RGS7BP: variants seen among roughly 807,000 people sequenced by gnomAD.
The protein encoded by RGS7BP is regulator of G protein signaling 7-binding protein.
RGS7BP carries 9 observed loss-of-function variants against 31.3 expected under a neutral mutation model. The ratio of observed to expected loss-of-function variants is 0.29; its 90% CI spans 0.17 to 0.50. The LOEUF is 0.50. Among genes scored for constraint, RGS7BP ranks in the 20% least tolerant of loss-of-function variants. The pLI, the probability that RGS7BP is intolerant of heterozygous loss-of-function variation, is 0.98. For missense variants in RGS7BP, 274 were observed against 322.0 expected, an observed-to-expected ratio of 0.85 and a Z score of 1.14; for synonymous variants, 115 against 120.1, an observed-to-expected ratio of 0.96 and a Z score of 0.28.
chr5:64,601,057 A>G (rs563805999), intron 5 of RGS7BP, among the ~76,000 whole-genome samples: 1 of 152,372 alleles, frequency 6.6e-6, no homozygotes, highest in Admixed American at 6.5e-5. Flanking sequence ...AGGAAATGGT[A>G]CAGGGTAAAA....
intron 5 of RGS7BP, among the ~76,000 whole-genome samples, chr5:64,600,046 C>T (rs1404099168): frequency 6.6e-6 from 1 of 152,108 alleles, no homozygotes; most frequent in African/African-American, 2.4e-5. Context: ...TAGAGGAATC[C>T]CTGCTACCAC....
chr5:64,561,402 G>T (rs928549867), intron 2 of RGS7BP, among the ~76,000 whole-genome samples: 1 of 152,130 alleles, frequency 6.6e-6, no homozygotes, highest in Non-Finnish European at 1.5e-5. Context: ...TGAGCACTCT[G>T]CCCTGGTAAT....
intron 5 of RGS7BP, among the ~76,000 whole-genome samples, chr5:64,606,692 GA>G (rs939971488): frequency 1.3e-5 from 2 of 152,052 alleles, no homozygotes; most frequent in South Asian, 2.1e-4. Flanking sequence ...AAAATGATGA[GA>G]AAATTAGTTA....
rs947988828 is a variant in RGS7BP at position 64,506,369 on chromosome 5, G to A, written c.-256G>A. 8.3e-6 allele frequency: 3 copies of A among 359,704 alleles called. No homozygotes were observed. Among genetic ancestry groups the A allele is most frequent in the Non-Finnish European group, 1.5e-5 (3 of 201,298 alleles). 22.3% of individuals were successfully genotyped at this position (359,704 alleles called of 1,614,324 possible). A position where few individuals can be genotyped will look rare whatever the true frequency, so the allele number is the denominator to read the frequency against. ...AGCGCCCAGCTCCCGGGACAGGGTC[G>A]GCAATGCTGCTGAGCAGAACTTGAT... On this transcript the variant is annotated 5_prime_UTR_variant, in exon 1 of 6. Transcript: ENST00000334025. The surrounding 1 kb of genome is among the most constrained non-coding windows in gnomAD (Gnocchi z 4.6).
At chr5:64,511,489 C>A (rs1748834273) in intron 2 of RGS7BP, among the ~76,000 whole-genome samples, 1 of 152,214 alleles carries the variant, frequency 6.6e-6, no homozygotes, top group Non-Finnish European at 1.5e-5. Context: ...GCAAATCCTC[C>A]CTTCAATCTA....
intron 2 of RGS7BP, among the ~76,000 whole-genome samples, chr5:64,522,748 G>A (rs1749139478): frequency 6.6e-6 from 1 of 152,184 alleles, no homozygotes; most frequent in Non-Finnish European, 1.5e-5. Flanking sequence ...GCTCAGAGTG[G>A]TTTAAATTCT....
chr5:64,577,900 G>GA (rs1307560578), intron 3 of RGS7BP, among the ~76,000 whole-genome samples: 1 of 152,182 alleles, frequency 6.6e-6, no homozygotes, highest in Non-Finnish European at 1.5e-5. Context: ...GTTGCCACTG[G>GA]AATGTTCCTT....
intron 3 of RGS7BP, among the ~76,000 whole-genome samples, chr5:64,580,070 G>C (rs759346427): frequency 6.6e-6 from 1 of 152,154 alleles, no homozygotes; most frequent in African/African-American, 2.4e-5. Flanking sequence ...GTGGTTAAAA[G>C]AATAAGAATA....
intron 2 of RGS7BP, among the ~76,000 whole-genome samples, chr5:64,523,039 T>A (rs1330092780): frequency 1.3e-5 from 2 of 152,128 alleles, no homozygotes; most frequent in Admixed American, 6.5e-5. Flanking sequence ...GCCGAACCAG[T>A]TCTTTGGGAA....
chr5:64,547,432 A>G (rs1190470916), intron 2 of RGS7BP, among the ~76,000 whole-genome samples: 1 of 152,194 alleles, frequency 6.6e-6, no homozygotes, highest in Non-Finnish European at 1.5e-5. Context: ...GACATTTTGA[A>G]ATTCAGGTTT....
intron 2 of RGS7BP, among the ~76,000 whole-genome samples, chr5:64,528,961 A>G (rs1248504160): frequency 6.6e-6 from 1 of 152,068 alleles, no homozygotes; most frequent in Non-Finnish European, 1.5e-5. Flanking sequence ...CAGGCCAGCT[A>G]TTATTATTAT....
At chr5:64,598,516 ATG>A in intron 5 of RGS7BP, 81 bp downstream of exon 5, 1 of 884,180 alleles carries the variant, frequency 1.1e-6, no homozygotes, top group Non-Finnish European at 1.9e-6. Context: ...AAATTAAAGC[ATG>A]TGTCTCACAC....
At chr5:64,560,332 C>G (rs560441789) in intron 2 of RGS7BP, among the ~76,000 whole-genome samples, 1 of 152,032 alleles carries the variant, frequency 6.6e-6, no homozygotes, top group Non-Finnish European at 1.5e-5. Context: ...ATTGGAAACT[C>G]TAGGGATAGA....
intron 3 of RGS7BP, among the ~76,000 whole-genome samples, chr5:64,592,200 T>G (rs1742938056): frequency 6.6e-6 from 1 of 152,186 alleles, no homozygotes; most frequent in Non-Finnish European, 1.5e-5. Flanking sequence ...TTTTCTGTCT[T>G]TTAAGACATG....
chr5:64,523,135 G>A (rs548991261), intron 2 of RGS7BP, among the ~76,000 whole-genome samples: 1 of 152,276 alleles, frequency 6.6e-6, no homozygotes, highest in East Asian at 1.9e-4. Context: ...TCTTAGAGTT[G>A]GTGATTGGAG....
Position 64,555,296 on chromosome 5 carries a change from G to A in RGS7BP, c.333-20478G>A, listed in dbSNP as rs527279522. Among the ~76,000 whole-genome samples the A allele has an allele frequency of 1.1e-4, 17 of 152,148 alleles. No homozygotes were observed. The South Asian group carries it at 1.5e-3, about 13-fold the overall frequency. On this transcript the variant is annotated intron_variant, in intron 2 of 5. Transcript: ENST00000334025. ...GCCAATGAACACCTTGCCACACTTC[G>A]CAATTGGCTGTTTTCTTATGAACTA...
intron 3 of RGS7BP, among the ~76,000 whole-genome samples, chr5:64,578,215 C>A (rs1468312508): frequency 1.3e-5 from 2 of 152,204 alleles, no homozygotes; most frequent in African/African-American, 4.8e-5. Context: ...TTCTGCTCTG[C>A]TTCCTTCTCT....
chr5:64,606,033 TATATATAGAG>T (rs1743352457), intron 5 of RGS7BP, among the ~76,000 whole-genome samples: 3 of 119,584 alleles, frequency 2.5e-5, no homozygotes, highest in African/African-American at 5.8e-5. Flanking sequence ...TATATATATA[TATATATAGAG>T]AGAGAGAGAG....
chr5:64,524,372 G>C (rs779420634), intron 2 of RGS7BP, among the ~76,000 whole-genome samples: 20 of 152,048 alleles, frequency 1.3e-4, no homozygotes, highest in Admixed American at 2.6e-4. Flanking sequence ...AAGTGAAAGG[G>C]AACTAAGGTG....
Sources: allele counts gnomAD v4.1 joint callset (sites outside exome capture counted in the v4.1 genomes callset), GRCh38; gene constraint gnomAD v4.1.1; non-coding constraint Gnocchi (gnomAD v3.1); transcripts MANE v1.5; gene names NCBI Gene and HGNC (gene_info 2026-07-23, HGNC 2026-07-21).